The following GPC5 variants were observed in gnomAD, a reference collection of about 807,000 sequenced individuals.
The protein encoded by GPC5 is glypican-5.
Under a neutral mutation model 53.9 loss-of-function variants are expected in GPC5, and 47 were observed. The observed-to-expected ratio is 0.87, with a 90% CI of 0.69 to 1.11. The LOEUF (loss-of-function observed/expected upper bound fraction) is 1.11. Ranked by LOEUF, GPC5 falls within the 50% of genes most tolerant of loss-of-function variation. The pLI is 0.00. For missense variants in GPC5, 748 were observed against 713.1 expected (o/e 1.05, Z -0.56); for synonymous variants, 286 against 263.3 (o/e 1.09, Z -0.84).
chr13:92,677,046 T>G (rs1439112724), intron 7 of GPC5, among the ~76,000 whole-genome samples: 1 of 152,144 alleles, frequency 6.6e-6, no homozygotes, highest in South Asian at 2.1e-4. Context: ...TCATAACAAG[T>G]CAATTATAAT....
intron 2 of GPC5, among the ~76,000 whole-genome samples, chr13:91,656,474 T>G (rs994990876): frequency 2.0e-5 from 3 of 152,178 alleles, no homozygotes; most frequent in African/African-American, 7.2e-5. Flanking sequence ...CACAGCGTAC[T>G]AGAGTAGGAG....
At chr13:91,823,346 C>CA (rs771961805) in intron 5 of GPC5, among the ~76,000 whole-genome samples, 7 of 152,016 alleles carry the variant, frequency 4.6e-5, no homozygotes, top group Non-Finnish European at 1.0e-4. Context: ...TGCCTGAATA[C>CA]AAAAATATTT....
intron 2 of GPC5, among the ~76,000 whole-genome samples, chr13:91,489,759 T>G (rs1883829843): frequency 6.6e-6 from 1 of 152,228 alleles, no homozygotes. Flanking sequence ...ATGAACATTT[T>G]AGCAAAACCT....
intron 7 of GPC5, among the ~76,000 whole-genome samples, chr13:92,310,359 T>C (rs1488980942): frequency 6.6e-6 from 1 of 152,206 alleles, no homozygotes. Flanking sequence ...GCAAAATTGC[T>C]GAATGCTTTT....
chr13:91,639,504 G>A (rs1362891359), intron 2 of GPC5, among the ~76,000 whole-genome samples: 4 of 152,162 alleles, frequency 2.6e-5, no homozygotes, highest in African/African-American at 9.7e-5. Context: ...CGTAATTGAC[G>A]TCAAAGAAGT....
intron 4 of GPC5, among the ~76,000 whole-genome samples, chr13:91,751,438 G>A (rs1180952781): frequency 1.3e-5 from 2 of 152,160 alleles, no homozygotes; most frequent in Non-Finnish European, 1.5e-5. Flanking sequence ...TAGAACCTGT[G>A]CCATTTCAGA....
chr13:92,127,005 G>A (rs1241307098), intron 6 of GPC5, among the ~76,000 whole-genome samples: 5 of 152,106 alleles, frequency 3.3e-5, no homozygotes, highest in Admixed American at 6.6e-5. Context: ...CTTAAGTCAA[G>A]TGGTTTAATC....
rs72643270 is a variant in GPC5 at position 91,706,684 on chromosome 13, A to C, written c.1020+12803A>C. ...CTTGAATTCATTTAACTGCTCCCCA[A>C]GTAGGGGAGAAATCATTAAATCATG... On this transcript the variant is annotated intron_variant, in intron 3 of 7. Transcript: ENST00000377067. Among the ~76,000 whole-genome samples the C allele has an allele frequency of 4.2e-3, 639 of 152,278 alleles. 5 individuals are homozygous for C. Among genetic ancestry groups the C allele is most frequent in the Middle Eastern group, 6.8e-3 (2 of 294 alleles).
intron 7 of GPC5, among the ~76,000 whole-genome samples, chr13:92,556,519 C>T (rs1281609591): frequency 1.3e-5 from 2 of 151,116 alleles, no homozygotes; most frequent in Non-Finnish European, 3.0e-5. Flanking sequence ...ATGTAGAGAC[C>T]CAAGGTACGC....
intron 7 of GPC5, among the ~76,000 whole-genome samples, chr13:92,683,400 G>T (rs1887164836): frequency 6.6e-6 from 1 of 152,024 alleles, no homozygotes; most frequent in African/African-American, 2.4e-5. Flanking sequence ...TGAAGAAATA[G>T]AACACATCTT....
intron 7 of GPC5, among the ~76,000 whole-genome samples, chr13:92,270,902 T>C (rs963069336): frequency 6.6e-6 from 1 of 152,180 alleles, no homozygotes; most frequent in African/African-American, 2.4e-5. Context: ...TAATCTTGCT[T>C]TGTATTTGAA....
chr13:92,003,391 G>A (rs2040574957), intron 6 of GPC5, among the ~76,000 whole-genome samples: 1 of 149,942 alleles, frequency 6.7e-6, no homozygotes, highest in African/African-American at 2.5e-5. Flanking sequence ...TGATATTGTA[G>A]ATAAGCACCT....
chr13:92,342,570 A>G (rs1021964324), intron 7 of GPC5, among the ~76,000 whole-genome samples: 12 of 152,136 alleles, frequency 7.9e-5, no homozygotes, highest in Non-Finnish European at 1.5e-4. Context: ...ACAGGTTCTT[A>G]CCAGATAATG....
At chr13:92,582,613 A>C (rs778335825) in intron 7 of GPC5, among the ~76,000 whole-genome samples, 10 of 152,150 alleles carry the variant, frequency 6.6e-5, no homozygotes, top group Non-Finnish European at 1.5e-4. Flanking sequence ...AACAGTATTA[A>C]GTCTTCTAGT....
intron 7 of GPC5, among the ~76,000 whole-genome samples, chr13:92,538,987 CAT>C (rs1160588894): frequency 6.7e-5 from 5 of 74,978 alleles, no homozygotes; most frequent in Non-Finnish European, 1.1e-4. Flanking sequence ...ATATATATAC[CAT>C]ATATATATAC....
chr13:92,324,467 T>C (rs950777051), intron 7 of GPC5, among the ~76,000 whole-genome samples: 1 of 151,964 alleles, frequency 6.6e-6, no homozygotes, highest in Non-Finnish European at 1.5e-5. Context: ...ATGTTTGCTG[T>C]AGGCCAACAT....
intron 7 of GPC5, among the ~76,000 whole-genome samples, chr13:92,299,091 T>C (rs935656104): frequency 2.6e-5 from 4 of 152,180 alleles, no homozygotes; most frequent in African/African-American, 7.2e-5. Context: ...AAATAACTTA[T>C]GGAATTGTAA....
intron 1 of GPC5, among the ~76,000 whole-genome samples, chr13:91,413,466 A>G (rs553198139): frequency 6.6e-6 from 1 of 152,382 alleles, no homozygotes; most frequent in African/African-American, 2.4e-5. Context: ...TTGGAGAAAA[A>G]GCAGTGAAGA....
At chr13:91,970,359 T>A (rs536942018) in intron 6 of GPC5, among the ~76,000 whole-genome samples, 1 of 152,176 alleles carries the variant, frequency 6.6e-6, no homozygotes, top group South Asian at 2.1e-4. Context: ...GTTCTGGAGA[T>A]CTAATGTACA....
Sources: allele counts gnomAD v4.1 joint callset (sites outside exome capture counted in the v4.1 genomes callset), GRCh38; gene constraint gnomAD v4.1.1; transcripts MANE v1.5; gene names NCBI Gene and HGNC (gene_info 2026-07-23, HGNC 2026-07-21).